Variants in THSD7B observed in about 807,000 individuals in gnomAD.
THSD7B encodes the protein thrombospondin type 1 domain containing 7B, also known as thrombospondin type-1 domain-containing protein 7B.
A neutral mutation model predicts 213.6 loss-of-function variants in THSD7B; 138 were observed. The ratio of observed to expected loss-of-function variants is 0.65; its 90% CI spans 0.56 to 0.74. The LOEUF is 0.74. THSD7B is among the 30% of genes least tolerant of loss of function. The pLI is 0.00. For missense variants in THSD7B, 1,931 were observed against 1,991.5 expected (o/e 0.97, Z 0.58); for synonymous variants, 742 against 687.0 (o/e 1.08, Z -1.25).
intron 1 of THSD7B, among the ~76,000 whole-genome samples, chr2:136,781,915 T>A (rs935122790): frequency 6.6e-6 from 1 of 152,196 alleles, no homozygotes; most frequent in Admixed American, 6.5e-5. Context: ...ATGTGACATA[T>A]ACATTTTTGA....
intron 4 of THSD7B, among the ~76,000 whole-genome samples, chr2:137,112,586 C>T (rs1260735323): frequency 1.3e-5 from 2 of 152,116 alleles, no homozygotes; most frequent in East Asian, 1.9e-4. Flanking sequence ...ATTGTAAAAG[C>T]AATTTATACA....
intron 12 of THSD7B, among the ~76,000 whole-genome samples, chr2:137,297,568 C>T (rs902066747): frequency 5.9e-5 from 9 of 151,876 alleles, no homozygotes; most frequent in South Asian, 4.2e-4. Flanking sequence ...CATGACTCAC[C>T]GAATGTCCTT....
intron 17 of THSD7B, among the ~76,000 whole-genome samples, chr2:137,583,673 G>A (rs1484862428): frequency 6.6e-6 from 1 of 152,006 alleles, no homozygotes; most frequent in South Asian, 2.1e-4. Context: ...ATTTCTGAGG[G>A]CTCTGTTCTG....
chr2:137,367,496 G>A (rs1377116366), intron 12 of THSD7B, among the ~76,000 whole-genome samples: 1 of 152,110 alleles, frequency 6.6e-6, no homozygotes, highest in Non-Finnish European at 1.5e-5. Flanking sequence ...ACAAAACAAA[G>A]CAAGTCTGCA....
intron 15 of THSD7B, among the ~76,000 whole-genome samples, chr2:137,476,056 C>A (rs1055855388): frequency 6.6e-6 from 1 of 152,032 alleles, no homozygotes. Context: ...CTCAATGATT[C>A]TTAATGTTGA....
intron 9 of THSD7B, among the ~76,000 whole-genome samples, chr2:137,242,063 C>G (rs1681919629): frequency 6.6e-6 from 1 of 152,028 alleles, no homozygotes; most frequent in Admixed American, 6.6e-5. Flanking sequence ...ATAATCCTTT[C>G]TTTTGTAGAA....
At chr2:137,319,832 G>A (rs1432710655) in intron 12 of THSD7B, among the ~76,000 whole-genome samples, 4 of 152,064 alleles carry the variant, frequency 2.6e-5, no homozygotes, top group Non-Finnish European at 4.4e-5. Context: ...GGCGGGTGGC[G>A]GGGGTGGTCA....
chr2:137,356,106 A>G (rs1685121467), intron 12 of THSD7B, among the ~76,000 whole-genome samples: 1 of 152,084 alleles, frequency 6.6e-6, no homozygotes, highest in Non-Finnish European at 1.5e-5. Flanking sequence ...TATCACTAAG[A>G]CATGAAGGCT....
chr2:137,547,291 G>T (rs1413013563), intron 15 of THSD7B, among the ~76,000 whole-genome samples: 1 of 151,986 alleles, frequency 6.6e-6, no homozygotes, highest in East Asian at 1.9e-4. Context: ...TGTCAGGTCT[G>T]TTATGGAAGG....
At chr2:137,556,286 C>T (rs1336178157) in intron 15 of THSD7B, among the ~76,000 whole-genome samples, 2 of 152,144 alleles carry the variant, frequency 1.3e-5, no homozygotes, top group African/African-American at 2.4e-5. Context: ...TAAGGGCAGA[C>T]AGAGAGAAAG....
intron 1 of THSD7B, among the ~76,000 whole-genome samples, chr2:136,778,975 A>C (rs1355844898): frequency 2.6e-5 from 4 of 152,212 alleles, no homozygotes; most frequent in African/African-American, 9.6e-5. Flanking sequence ...CATCAAAATC[A>C]TCCCAAAAGT....
intron 17 of THSD7B, among the ~76,000 whole-genome samples, chr2:137,577,307 C>T (rs1012032805): frequency 1.2e-4 from 18 of 152,180 alleles, no homozygotes; most frequent in South Asian, 6.2e-4. Flanking sequence ...TGCCTCATTT[C>T]GTGCATTGGA....
intron 6 of THSD7B, among the ~76,000 whole-genome samples, chr2:137,168,187 A>G (rs1164330735): frequency 6.6e-6 from 1 of 152,168 alleles, no homozygotes; most frequent in Non-Finnish European, 1.5e-5. Context: ...TTATGCTTTG[A>G]GAAGAATACA....
chr2:136,894,299 G>A (rs1343045624), intron 2 of THSD7B, among the ~76,000 whole-genome samples: 1 of 152,116 alleles, frequency 6.6e-6, no homozygotes, highest in African/African-American at 2.4e-5. Context: ...TTAATTACTT[G>A]GCTTTATTTG....
At chr2:137,220,595 A>G (rs1463980851) in intron 7 of THSD7B, among the ~76,000 whole-genome samples, 1 of 152,222 alleles carries the variant, frequency 6.6e-6, no homozygotes, top group African/African-American at 2.4e-5. Flanking sequence ...AACATTGCTC[A>G]TGGGAAGGCA....
At chr2:137,295,689 T>C (rs1283258756) in intron 12 of THSD7B, among the ~76,000 whole-genome samples, 2 of 152,224 alleles carry the variant, frequency 1.3e-5, no homozygotes, top group African/African-American at 4.8e-5. Flanking sequence ...TTGGCCAAGA[T>C]GGTCTTGATC....
At chr2:137,041,853 C>T (rs1039825670) in intron 2 of THSD7B, among the ~76,000 whole-genome samples, 1 of 152,204 alleles carries the variant, frequency 6.6e-6, no homozygotes, top group Admixed American at 6.5e-5. Flanking sequence ...TACATCATGT[C>T]ATATCCTGAA....
intron 2 of THSD7B, among the ~76,000 whole-genome samples, chr2:137,002,087 A>G (rs1462858937): frequency 6.6e-6 from 1 of 152,042 alleles, no homozygotes; most frequent in Non-Finnish European, 1.5e-5. Flanking sequence ...CCTTCCGCAT[A>G]TGACTGTTTT....
intron 27 of THSD7B, among the ~76,000 whole-genome samples, chr2:137,669,491 A>C (rs1683518455): frequency 6.6e-6 from 1 of 152,114 alleles, no homozygotes; most frequent in African/African-American, 2.4e-5. Flanking sequence ...AGTATTGCCT[A>C]GATCTACTTT....
Sources: allele counts gnomAD v4.1 joint callset (sites outside exome capture counted in the v4.1 genomes callset), GRCh38; gene constraint gnomAD v4.1.1; transcripts MANE v1.5; gene names NCBI Gene and HGNC (gene_info 2026-07-23, HGNC 2026-07-21).